MAGI2: variants seen among roughly 807,000 people sequenced by gnomAD.
MAGI2 encodes the protein membrane-associated guanylate kinase, WW and PDZ domain-containing protein 2.
In MAGI2, 35 loss-of-function variants were observed where a neutral mutation model predicts 133.3. That is an observed-to-expected ratio of 0.26 (90% CI 0.20 to 0.35). The LOEUF (loss-of-function observed/expected upper bound fraction) is 0.35. MAGI2 is among the 10% of genes least tolerant of loss of function. The pLI is 1.00. For missense variants in MAGI2, 1,636 were observed against 1,863.4 expected (o/e 0.88, Z 2.25); for synonymous variants, 729 against 710.6 (o/e 1.03, Z -0.41).
chr7:79,369,335 T>C (rs1337333861), intron 1 of MAGI2, among the ~76,000 whole-genome samples: 1 of 152,206 alleles, frequency 6.6e-6, no homozygotes, highest in Non-Finnish European at 1.5e-5. Context: ...TCTTTCTCAG[T>C]TTTCCATAGC....
intron 10 of MAGI2, among the ~76,000 whole-genome samples, chr7:78,249,326 T>A (rs927120786): frequency 6.6e-6 from 1 of 152,124 alleles, no homozygotes; most frequent in Non-Finnish European, 1.5e-5. Context: ...ATATTAAAAA[T>A]AGAACTACTA....
At chr7:79,187,739 C>T (rs1443427305) in intron 1 of MAGI2, among the ~76,000 whole-genome samples, 1 of 151,686 alleles carries the variant, frequency 6.6e-6, no homozygotes, top group Non-Finnish European at 1.5e-5. Flanking sequence ...AAAACAAAAA[C>T]AATTGTGCAA....
intron 2 of MAGI2, among the ~76,000 whole-genome samples, chr7:78,651,272 A>G (rs1233717738): frequency 6.6e-6 from 1 of 151,878 alleles, no homozygotes; most frequent in Non-Finnish European, 1.5e-5. Flanking sequence ...CACACAAAAT[A>G]TAAACACAGA....
intron 6 of MAGI2, among the ~76,000 whole-genome samples, chr7:78,403,406 A>G (rs2151353006): frequency 6.6e-6 from 1 of 152,234 alleles, no homozygotes; most frequent in Admixed American, 6.5e-5. Flanking sequence ...TCATTGTTGG[A>G]CATTTGGGTT....
chr7:78,898,781 G>C (rs1213047715), intron 2 of MAGI2, among the ~76,000 whole-genome samples: 1 of 152,056 alleles, frequency 6.6e-6, no homozygotes, highest in Non-Finnish European at 1.5e-5. Context: ...TACCAAACCT[G>C]CACATGTACC....
intron 2 of MAGI2, among the ~76,000 whole-genome samples, chr7:78,679,129 T>C (rs1233562850): frequency 6.6e-6 from 1 of 152,124 alleles, no homozygotes; most frequent in Non-Finnish European, 1.5e-5. Context: ...ACTATGAAAT[T>C]CTACTTTTCA....
At chr7:78,393,169 T>C (rs937148298) in intron 6 of MAGI2, among the ~76,000 whole-genome samples, 1 of 152,118 alleles carries the variant, frequency 6.6e-6, no homozygotes, top group Non-Finnish European at 1.5e-5. Context: ...AAGTCGTAGT[T>C]GGAGGTGGGT....
At chr7:79,127,197 T>A (rs1446392590) in intron 1 of MAGI2, among the ~76,000 whole-genome samples, 1 of 152,172 alleles carries the variant, frequency 6.6e-6, no homozygotes, top group East Asian at 1.9e-4. Context: ...ATCTGGTCTA[T>A]CATTGTTGGA....
chr7:78,886,969 A>T (rs1176660414), intron 2 of MAGI2, among the ~76,000 whole-genome samples: 1 of 152,094 alleles, frequency 6.6e-6, no homozygotes, highest in Non-Finnish European at 1.5e-5. Flanking sequence ...TGGTTTTACA[A>T]GGGGCTTTTC....
At chr7:79,266,496 T>A (rs1031625568) in intron 1 of MAGI2, among the ~76,000 whole-genome samples, 5 of 152,048 alleles carry the variant, frequency 3.3e-5, no homozygotes, top group Non-Finnish European at 5.9e-5. Context: ...TCTCCACAGC[T>A]AATTTCCCCA....
chr7:78,707,796 C>T (rs1818805939), intron 2 of MAGI2, among the ~76,000 whole-genome samples: 2 of 151,956 alleles, frequency 1.3e-5, no homozygotes, highest in South Asian at 4.1e-4. Context: ...TACTATTTGG[C>T]AAAAACATTC....
chr7:78,783,381 G>A (rs911745702), intron 2 of MAGI2, among the ~76,000 whole-genome samples: 74 of 152,274 alleles, frequency 4.9e-4, no homozygotes, highest in Non-Finnish European at 1.3e-4. Flanking sequence ...AGCCATGTCA[G>A]CGTTATTTTT....
intron 1 of MAGI2, among the ~76,000 whole-genome samples, chr7:79,251,743 CA>C (rs1485012021): frequency 1.3e-5 from 2 of 152,064 alleles, no homozygotes; most frequent in Non-Finnish European, 2.9e-5. Context: ...GGTATACACC[CA>C]AAGGAAAGGA....
intron 10 of MAGI2, chr7:78,254,803 G>T (rs1792792842): frequency 6.6e-6 from 1 of 152,206 alleles, no homozygotes; most frequent in Non-Finnish European, 1.5e-5. Context: ...CCACATGTTT[G>T]TCACACGTGT....
intron 1 of MAGI2, among the ~76,000 whole-genome samples, chr7:79,213,596 A>G (rs1333670889): frequency 6.6e-6 from 1 of 152,072 alleles, no homozygotes; most frequent in African/African-American, 2.4e-5. Context: ...ACTTTTATCT[A>G]ACATCTCAGT....
At chr7:78,570,089 C>T (rs1801352330) in intron 3 of MAGI2, among the ~76,000 whole-genome samples, 1 of 152,170 alleles carries the variant, frequency 6.6e-6, no homozygotes, top group Non-Finnish European at 1.5e-5. Flanking sequence ...GACAGAGTTG[C>T]TATACCCACT....
At chr7:79,136,069 GA>G (rs1181736154) in intron 1 of MAGI2, among the ~76,000 whole-genome samples, 4 of 25,912 alleles carry the variant, frequency 1.5e-4, no homozygotes, top group Non-Finnish European at 1.8e-4. Context: ...AAGAAAGAAG[GA>G]AAGAAAGAAA....
chr7:78,786,631 G>C (rs1339047339), intron 2 of MAGI2, among the ~76,000 whole-genome samples: 1 of 152,140 alleles, frequency 6.6e-6, no homozygotes, highest in Non-Finnish European at 1.5e-5. Flanking sequence ...GCCTAGAACG[G>C]TCTTCTCTTA....
At chr7:78,682,439 G>T (rs556883676) in intron 2 of MAGI2, among the ~76,000 whole-genome samples, 1 of 152,076 alleles carries the variant, frequency 6.6e-6, no homozygotes, top group African/African-American at 2.4e-5. Flanking sequence ...TGTTCTCATT[G>T]TTCAACTCCC....
Sources: gnomAD v4.1 joint callset for allele counts (sites outside exome capture counted in the v4.1 genomes callset) on GRCh38, gnomAD v4.1.1 for gene constraint, MANE v1.5 for transcripts, NCBI Gene and HGNC (gene_info 2026-07-23, HGNC 2026-07-21) for gene names.